Variants in NRXN3 observed in about 807,000 individuals in gnomAD.
NRXN3 encodes neurexin 3.
A neutral mutation model predicts 137.6 loss-of-function variants in NRXN3; 32 were observed. That is an observed-to-expected ratio of 0.23 (90% confidence interval 0.18 to 0.31). NRXN3 has a LOEUF of 0.31. Among genes scored for constraint, NRXN3 ranks in the 10% least tolerant of loss-of-function variants. NRXN3 has a pLI of 1.00. For synonymous variants in NRXN3, 798 were observed against 784.5 expected, an observed-to-expected ratio of 1.02 and a Z score of -0.29; for missense variants, 1,574 against 2,062.5, an observed-to-expected ratio of 0.76 and a Z score of 4.59.
intron 15 of NRXN3, among the ~76,000 whole-genome samples, chr14:79,290,194 G>A (rs1157864779): frequency 6.6e-6 from 1 of 152,152 alleles, no homozygotes; most frequent in African/African-American, 2.4e-5. Flanking sequence ...TGATCTGCCT[G>A]TTCCTGTAGT....
chr14:78,513,064 A>G (rs557376930), intron 4 of NRXN3, among the ~76,000 whole-genome samples: 121 of 152,226 alleles, frequency 7.9e-4, no homozygotes, highest in African/African-American at 2.7e-3. Context: ...CTACATTTGG[A>G]TCTCTGGTCT....
At chr14:79,448,589 G>C (rs2096109040) in intron 15 of NRXN3, among the ~76,000 whole-genome samples, 1 of 152,246 alleles carries the variant, frequency 6.6e-6, no homozygotes, top group Middle Eastern at 3.4e-3. Context: ...TAGAGAATAA[G>C]ACTTTTTAGT....
chr14:78,366,611 A>T (rs1217846042), intron 4 of NRXN3, among the ~76,000 whole-genome samples: 1 of 152,176 alleles, frequency 6.6e-6, no homozygotes, highest in Non-Finnish European at 1.5e-5. Flanking sequence ...GAGGCCTCAC[A>T]ATTACGGTGG....
chr14:78,172,510 G>C (rs1184753982), intron 1 of NRXN3, among the ~76,000 whole-genome samples: 1 of 152,112 alleles, frequency 6.6e-6, no homozygotes, highest in East Asian at 1.9e-4. Flanking sequence ...GTCATATGGG[G>C]CAAACGATAT....
At chr14:79,069,800 T>C (rs955279456) in intron 15 of NRXN3, among the ~76,000 whole-genome samples, 1 of 152,102 alleles carries the variant, frequency 6.6e-6, no homozygotes, top group African/African-American at 2.4e-5. Context: ...GCCCAGACAA[T>C]GTGATGGATT....
Position 78,810,701 on chromosome 14 carries a change from A to C in NRXN3, c.2275+357A>C, listed in dbSNP as rs144285367. 1.8e-3 allele frequency among the ~76,000 whole-genome samples: 271 copies of C among 152,350 alleles called. 1 individual carries two copies. The highest frequency in any genetic ancestry group is 2.7e-3 in the Non-Finnish European group (185 of 68,030). On this transcript the variant is annotated intron_variant, in intron 10 of 20. Transcript: ENST00000335750. Reference sequence around the variant, plus strand: ...AGAGTGAACAAAAAGCTTTAGGGCAACCAGCATGCACTTCTCCACTACCAA... The same window carrying C: ...AGAGTGAACAAAAAGCTTTAGGGCACCCAGCATGCACTTCTCCACTACCAA...
chr14:78,414,041 C>T (rs149582387), intron 4 of NRXN3, among the ~76,000 whole-genome samples: 9 of 152,108 alleles, frequency 5.9e-5, no homozygotes, highest in Admixed American at 5.2e-4. Context: ...GTAAGACATG[C>T]CTTTGCTCTT....
At chr14:78,556,317 C>A (rs895556371) in intron 4 of NRXN3, among the ~76,000 whole-genome samples, 7 of 152,188 alleles carry the variant, frequency 4.6e-5, no homozygotes, top group African/African-American at 1.7e-4. Flanking sequence ...GTATAGATGG[C>A]ATTTCCATTT....
At chr14:78,429,843 T>C (rs2093807771) in intron 4 of NRXN3, among the ~76,000 whole-genome samples, 1 of 152,202 alleles carries the variant, frequency 6.6e-6, no homozygotes. Flanking sequence ...GATCACTTAG[T>C]TTTCTGTCAG....
intron 15 of NRXN3, among the ~76,000 whole-genome samples, chr14:79,376,573 T>C (rs1301208255): frequency 2.6e-5 from 4 of 152,138 alleles, no homozygotes; most frequent in African/African-American, 7.2e-5. Flanking sequence ...AACTTTTTCC[T>C]GGCATAGATG....
chr14:78,318,741 A>AGAAT (rs1242520751), intron 4 of NRXN3, among the ~76,000 whole-genome samples: 1 of 152,224 alleles, frequency 6.6e-6, no homozygotes, highest in Non-Finnish European at 1.5e-5. Flanking sequence ...CAGGTAGAAC[A>AGAAT]GAATGAGTTC....
intron 16 of NRXN3, among the ~76,000 whole-genome samples, chr14:79,544,041 A>G (rs1040292686): frequency 6.6e-6 from 1 of 152,212 alleles, no homozygotes; most frequent in African/African-American, 2.4e-5. Flanking sequence ...AAACATTGTG[A>G]GTCTCATCCC....
At chr14:78,532,150 C>CAAAAAAAAAAAAA (rs386381910) in intron 4 of NRXN3, among the ~76,000 whole-genome samples, 10 of 121,316 alleles carry the variant, frequency 8.2e-5, no homozygotes, top group Admixed American at 2.5e-4. Flanking sequence ...ACTAAAAATA[C>CAAAAAAAAAAAAA]AAAAAAAAAA....
intron 16 of NRXN3, among the ~76,000 whole-genome samples, chr14:79,656,146 G>A (rs985641246): frequency 6.6e-6 from 1 of 152,204 alleles, no homozygotes; most frequent in African/African-American, 2.4e-5. Flanking sequence ...TGTTGTTAGT[G>A]TGAGCACAGG....
intron 15 of NRXN3, among the ~76,000 whole-genome samples, chr14:79,023,788 C>T (rs1311762190): frequency 6.6e-6 from 1 of 151,974 alleles, no homozygotes; most frequent in African/African-American, 2.4e-5. Flanking sequence ...TAACTGGCCC[C>T]ATGATTCAGT....
chr14:79,149,326 AT>A (rs556091046), intron 15 of NRXN3, among the ~76,000 whole-genome samples: 329 of 144,058 alleles, frequency 2.3e-3, no homozygotes, highest in Middle Eastern at 7.2e-3. Context: ...GGATAGGGGG[AT>A]TTTTTTTTTT....
intron 15 of NRXN3, among the ~76,000 whole-genome samples, chr14:79,228,443 G>GC (rs2071480410): frequency 6.6e-6 from 1 of 152,120 alleles, no homozygotes; most frequent in African/African-American, 2.4e-5. Flanking sequence ...AGCAACAAAT[G>GC]CAACAGATGT....
intron 15 of NRXN3, among the ~76,000 whole-genome samples, chr14:79,233,873 C>T (rs907678445): frequency 6.6e-6 from 1 of 151,808 alleles, no homozygotes; most frequent in Non-Finnish European, 1.5e-5. Context: ...GTATTTTTTT[C>T]TAAATATTCT....
intron 15 of NRXN3, among the ~76,000 whole-genome samples, chr14:79,134,328 C>T (rs886105508): frequency 2.0e-5 from 3 of 152,124 alleles, no homozygotes; most frequent in Non-Finnish European, 2.9e-5. Flanking sequence ...CTTTACACTG[C>T]TGTGTAATGT....
Sources: gnomAD v4.1 joint callset for allele counts (sites outside exome capture counted in the v4.1 genomes callset) on GRCh38, gnomAD v4.1.1 for gene constraint, MANE v1.5 for transcripts, NCBI Gene and HGNC (gene_info 2026-07-23, HGNC 2026-07-21) for gene names.